Variants in HSPG2 observed in about 807,000 individuals in gnomAD.
The protein encoded by HSPG2 is heparan sulfate proteoglycan 2.
HSPG2 carries 278 observed loss-of-function variants against 526.6 expected under a neutral mutation model. The ratio of observed to expected loss-of-function variants is 0.53; its 90% CI spans 0.48 to 0.58. HSPG2 has a LOEUF of 0.58. HSPG2 is among the 20% of genes least tolerant of loss of function. The pLI, the probability that HSPG2 is intolerant of heterozygous loss-of-function variation, is 0.00. For synonymous variants in HSPG2, 2,465 were observed against 2,555.4 expected (o/e 0.96, Z 1.07); for missense variants, 5,354 against 6,099.5 (o/e 0.88, Z 4.07).
rs199817928 is a variant in HSPG2 at position 21,832,250 on chromosome 1, C to CATGA, written c.11207+244_11207+245insTCAT. The stretch of plus-strand genomic sequence containing the variant: ...GTGGTCAGCAAATAACTGATGCATG[C>CATGA]ATGCATGAATGAATGAATGAATGAA... On this transcript the variant is annotated intron_variant, in intron 81 of 96. Transcript: ENST00000374695. Among the ~76,000 whole-genome samples, 5,217 of 152,190 alleles carry CATGA rather than the reference C, an allele frequency of 0.034. 117 individuals are homozygous for CATGA. The highest frequency in any genetic ancestry group is 0.076 in the South Asian group (364 of 4,814).
In HSPG2 at chr1:21,823,152, G is replaced by T; in HGVS notation, c.*164C>A. The T allele has an allele frequency of 1.5e-6, 1 of 653,304 alleles. No individual in the cohort carries two copies. The highest frequency in any genetic ancestry group is 2.4e-6 in the Non-Finnish European group (1 of 414,646). 40.5% of individuals were successfully genotyped at this position (653,304 alleles called of 1,614,324 possible). ...GCCTTGTGGCTTTGCCCAGCTGTGT[G>T]TGTGAGGGTGGCATGCCCACCTCCA... On this transcript the variant is annotated 3_prime_UTR_variant, in exon 97 of 97. Coordinates refer to ENST00000374695, the MANE Select transcript of HSPG2 (RefSeq NM_005529.7).
At chr1:21,908,014 A>G in intron 1 of HSPG2, 1 of 676,838 alleles carries the variant, frequency 1.5e-6, no homozygotes. Flanking sequence ...GTAAAATGCT[A>G]CAGATAACAC....
chr1:21,833,829 A>T lies in HSPG2; in HGVS notation c.10817T>A (p.Ile3606Asn). The T allele has an allele frequency of 6.3e-7, 1 of 1,598,158 alleles. No individual in the cohort carries two copies. The highest frequency in any genetic ancestry group is 1.1e-5 in the South Asian group (1 of 88,238). Residue 3606 changes from isoleucine to asparagine, a missense_variant, in exon 78 of 97, where the codon ATC becomes AAC. Physicochemically the swap from Ile to Asn is moderately radical, Grantham distance 149 (BLOSUM62 -3). Coordinates refer to ENST00000374695, the MANE Select transcript of HSPG2 (RefSeq NM_005529.7). ...CIASGYPTPD[I>N]SWSKLDGSLP... ...TCCAGCACTTACCTTGCTCCAGCTG[A>T]TGTCAGGAGTGGGGTAGCCTGAGGC...
chr1:21,854,815 C>G (rs756815220), intron 48 of HSPG2, 33 bp downstream of exon 48: 2 of 1,612,912 alleles, frequency 1.2e-6, no homozygotes, highest in South Asian at 1.1e-5. Flanking sequence ...CTGGCTTGCC[C>G]TCCCCACCCC....
chr1:21,823,521 C>A (rs1382609825), intron 96 of HSPG2, 33 bp from the exon 97 acceptor site: 2 of 1,608,566 alleles, frequency 1.2e-6, no homozygotes, highest in Non-Finnish European at 1.7e-6. Context: ...GGCCTGTGGG[C>A]TCCAGCAGCC....
chr1:21,858,005 G>A lies in HSPG2; in HGVS notation c.5294-620C>T, dbSNP rs375024631. ...CTCCTCCTTCTCATGCGATCACTTC[G>A]GTCCAGAGTGCATTCTAGGATTTCC... On this transcript the variant is annotated intron_variant, in intron 42 of 96. Transcript: ENST00000374695. This position sits in a 1 kb window ranked among gnomAD's most constrained non-coding sequence, Gnocchi z 4.2. Among the ~76,000 whole-genome samples the A allele has an allele frequency of 3.9e-5, 6 of 152,160 alleles. No homozygotes were observed. Among genetic ancestry groups the A allele is most frequent in the African/African-American group, 7.2e-5 (3 of 41,502 alleles).
chr1:21,878,324 C>T, intron 20 of HSPG2, 71 bp from the exon 21 acceptor site: 1 of 1,585,986 alleles, frequency 6.3e-7, no homozygotes, highest in Non-Finnish European at 8.6e-7. Context: ...GATAGAGGAA[C>T]AGTGGCTCCC....
intron 80 of HSPG2, chr1:21,832,987 G>T: frequency 1.8e-6 from 1 of 563,002 alleles, no homozygotes; most frequent in Non-Finnish European, 3.2e-6. Context: ...AGCAGAGATG[G>T]GGAAAGGAAG....
rs539813393 is a variant in HSPG2 at position 21,866,866 on chromosome 1, C to T, written c.4222-1057G>A. 3.1e-3 allele frequency among the ~76,000 whole-genome samples: 473 copies of T among 152,250 alleles called. 1 individual carries two copies. The highest frequency in any genetic ancestry group is 4.5e-3 in the Non-Finnish European group (303 of 68,028). On this transcript the variant is annotated intron_variant, in intron 33 of 96. Coordinates refer to ENST00000374695, the MANE Select transcript of HSPG2 (RefSeq NM_005529.7). ...AACACCTGCTGATTACACACACGGCCCTGGGCTACATGGCTACAGGGATAT... is the reference window on the plus strand; with the variant it reads ...AACACCTGCTGATTACACACACGGCTCTGGGCTACATGGCTACAGGGATAT...
At chr1:21,870,158 TG>T in intron 33 of HSPG2, 1 of 786,704 alleles carries the variant, frequency 1.3e-6, no homozygotes, top group Non-Finnish European at 1.5e-6. Context: ...CTCAGCTCTC[TG>T]GTCTCCTCGC....
intron 80 of HSPG2, chr1:21,832,851 G>A (rs1268619986): frequency 3.4e-6 from 2 of 588,706 alleles, no homozygotes; most frequent in East Asian, 2.8e-5. Context: ...CTCCCTCAAG[G>A]GGGAGAGGGA....
intron 69 of HSPG2, 84 bp from the exon 70 acceptor site, chr1:21,841,757 C>A: frequency 6.5e-7 from 1 of 1,546,168 alleles, no homozygotes; most frequent in Non-Finnish European, 8.9e-7. Flanking sequence ...GCCCCTGGGC[C>A]CACTTCCCCA....
chr1:21,828,294 C>T lies in HSPG2; in HGVS notation c.12370G>A (p.Glu4124Lys), dbSNP rs368254139. The change falls in exon 89 of 97, where the codon GAG becomes AAG. Residue 4124 changes from glutamate to lysine, a missense_variant. Glu to Lys is a moderately conservative substitution (Grantham distance 56). Coordinates refer to ENST00000374695, the MANE Select transcript of HSPG2 (RefSeq NM_005529.7). The surrounding 1 kb of genome is among the most constrained non-coding windows in gnomAD (Gnocchi z 6.0). Reference sequence around the variant, plus strand: ...CGACACAGGCACTGGAACTCATACTCGCCAGCGGGCATGCACGTGGCACCA... The same window carrying T: ...CGACACAGGCACTGGAACTCATACTTGCCAGCGGGCATGCACGTGGCACCA... ...QHGATCMPAG[E>K]YEFQCLCRDG... 1.8e-5 allele frequency: 29 copies of T among 1,613,686 alleles called. No individual in the cohort carries two copies. The highest frequency in any genetic ancestry group is 2.3e-5 in the Non-Finnish European group (27 of 1,180,040).
intron 1 of HSPG2, among the ~76,000 whole-genome samples, chr1:21,926,706 G>A (rs1184764831): frequency 1.4e-5 from 2 of 138,744 alleles, no homozygotes. Flanking sequence ...AGGTTGCAGT[G>A]AGCCGAGATC....
At chr1:21,880,290 C>T (rs375036931) in intron 16 of HSPG2, 36 bp from the exon 17 acceptor site, 114 of 1,613,918 alleles carry the variant, frequency 7.1e-5, no homozygotes, top group Non-Finnish European at 7.1e-5. Flanking sequence ...GCTGCAAGGA[C>T]GGTGAGGCCC....
At position 21,839,508 on chromosome 1, in the gene HSPG2, G is replaced by A; in HGVS notation, c.9752C>T (p.Pro3251Leu). Residue 3251 changes from proline (P) to leucine (L), a missense_variant, in exon 73 of 97, where the codon CCA becomes CTA. Pro to Leu is a moderately conservative substitution (Grantham distance 98, BLOSUM62 -3). Coordinates refer to ENST00000374695, the MANE Select transcript of HSPG2 (RefSeq NM_005529.7). The surrounding 1 kb of genome is among the most constrained non-coding windows in gnomAD (Gnocchi z 4.5). ...TTCCAGCCGGTGCTGCCAGGGCAGT[G>A]GGGAACGCAGCTTGGACCAGTGGAT... ...PTIHWSKLRS[P>L]LPWQHRLEGD... The A allele has an allele frequency of 2.5e-6, 4 of 1,614,094 alleles. No homozygotes were observed. The highest frequency in any genetic ancestry group is 2.5e-6 in the Non-Finnish European group (3 of 1,180,004).
rs1021399166 is a variant in HSPG2, at chr1:21,855,692, G to C, written c.5702-17C>G. The C allele has an allele frequency of 6.3e-7, 1 of 1,584,524 alleles. No homozygotes were observed. The highest frequency in any genetic ancestry group is 8.6e-7 in the Non-Finnish European group (1 of 1,167,656). On this transcript the variant is annotated splice_polypyrimidine_tract_variant and intron_variant, in intron 45 of 96. Transcript: ENST00000374695. The stretch of plus-strand genomic sequence containing the variant: ...CGGGGCCCCCTGACGAGTAGACGTG[G>C]GGTCAGCACCCACCAAGCCTGCTCA...
At position 21,854,328 on chromosome 1, in the gene HSPG2, G is replaced by A; in HGVS notation, c.6304C>T (p.Leu2102=). 1 of 1,570,628 alleles carries A rather than the reference G, an allele frequency of 6.4e-7. No homozygotes were observed. Among genetic ancestry groups the A allele is most frequent in the Non-Finnish European group, 8.6e-7 (1 of 1,157,554 alleles). ...GCTGGTGAGACCTGGGGGAGCCGCA[G>A]ACGGGAGCCGTGCACCTGGGCCAGG... ...PPHTQVHGSR[L]RLPQVSPADS... The change falls in exon 50 of 97, where the codon CTG becomes TTG. Residue 2102 remains leucine, a synonymous_variant. Coordinates refer to ENST00000374695, the MANE Select transcript of HSPG2 (RefSeq NM_005529.7).
intron 1 of HSPG2, among the ~76,000 whole-genome samples, chr1:21,936,287 T>C (rs1195078593): frequency 6.6e-6 from 1 of 152,198 alleles, no homozygotes; most frequent in African/African-American, 2.4e-5. Context: ...TCGGGATTCC[T>C]GACCGTAGAA....
Sources: gnomAD v4.1 joint callset for allele counts (sites outside exome capture counted in the v4.1 genomes callset) on GRCh38, gnomAD v4.1.1 for gene constraint, Gnocchi (gnomAD v3.1) non-coding constraint, MANE v1.5 for transcripts, NCBI Gene and HGNC (gene_info 2026-07-23, HGNC 2026-07-21) for gene names.